The following PLEKHG4 variants were observed in gnomAD, a reference collection of about 807,000 sequenced individuals.
The protein encoded by PLEKHG4 is pleckstrin homology and RhoGEF domain containing G4.
PLEKHG4 carries 85 observed loss-of-function variants against 136.9 expected under a neutral mutation model. That is an observed-to-expected ratio of 0.62 (90% CI 0.52 to 0.74). The LOEUF (loss-of-function observed/expected upper bound fraction) is 0.74, where lower values mean the gene tolerates loss of function less well. Among genes scored for constraint, PLEKHG4 ranks in the 30% least tolerant of loss-of-function variants. PLEKHG4 has a pLI of 0.00. For synonymous variants in PLEKHG4, 577 were observed against 646.9 expected (o/e 0.89, Z 1.64); for missense variants, 1,317 against 1,527.8 (o/e 0.86, Z 2.30).
upstream of PLEKHG4, chr16:67,279,394 C>A (rs1264828777): frequency 6.6e-6 from 1 of 151,828 alleles, no homozygotes; most frequent in Non-Finnish European, 1.5e-5. Context: ...ACCTTGTCTT[C>A]CGCGCCGGCA....
Position 67,285,601 on chromosome 16 carries a change from C to T in PLEKHG4, c.2442+65C>T, listed in dbSNP as rs2036434135. On this transcript the variant is annotated intron_variant, in intron 14 of 21. Coordinates refer to ENST00000379344, the MANE Select transcript of PLEKHG4 (RefSeq NM_001129729.3). ...ACACTCCCGAAGTTGCTGCTGGGCACATGCTTGGTGCCAGTCCCTGTGCTA... is the reference window on the plus strand; with the variant it reads ...ACACTCCCGAAGTTGCTGCTGGGCATATGCTTGGTGCCAGTCCCTGTGCTA... 4 of 1,577,796 alleles carry T rather than the reference C, an allele frequency of 2.5e-6. No homozygotes were observed. In the East Asian group the frequency reaches 8.9e-5, roughly 35 times the overall value.
At position 67,284,244 on chromosome 16, in the gene PLEKHG4, G is replaced by A. The variant is rs545068085; in HGVS notation, c.1510-31G>A. The A allele has an allele frequency of 1.9e-6, 3 of 1,606,242 alleles. No homozygotes were observed. Among genetic ancestry groups the A allele is most frequent in the African/African-American group, 2.7e-5 (2 of 74,854 alleles). On this transcript the variant is annotated intron_variant, in intron 11 of 21. Coordinates refer to ENST00000379344, the MANE Select transcript of PLEKHG4 (RefSeq NM_001129729.3). The surrounding 1 kb of genome is among the most constrained non-coding windows in gnomAD (Gnocchi z 4.4). ...TCTGGGGGCTAGACCGCCAGGCCTG[G>A]GCTGGCTGAGCCTAGTCTCTGTCTC...
upstream of PLEKHG4, chr16:67,278,036 G>C (rs1482209106): frequency 1.3e-5 from 2 of 152,288 alleles, no homozygotes; most frequent in Non-Finnish European, 2.9e-5. Context: ...CCGGCTCTTA[G>C]GGCTCCTGGG....
chr16:67,286,264 G>T lies in PLEKHG4; in HGVS notation c.2443-10G>T, dbSNP rs1053783791. ...CCTTTGCACTGGGGCTGAGCCACAT[G>T]TCCTTGTAGAGGGTGCAGTTTGGGA... On this transcript the variant is annotated splice_polypyrimidine_tract_variant and intron_variant, in intron 14 of 21. Coordinates refer to ENST00000379344, the MANE Select transcript of PLEKHG4 (RefSeq NM_001129729.3). The T allele has an allele frequency of 1.2e-6, 2 of 1,605,390 alleles. No individual in the cohort carries two copies. Among genetic ancestry groups the T allele is most frequent in the South Asian group, 2.2e-5 (2 of 90,934 alleles).
At position 67,287,987 on chromosome 16, in the gene PLEKHG4, A is replaced by G; in HGVS notation, c.3193A>G (p.Thr1065Ala). 1 of 1,613,418 alleles carries G rather than the reference A, an allele frequency of 6.2e-7. No homozygotes were observed. Among genetic ancestry groups the G allele is most frequent in the Non-Finnish European group, 8.5e-7 (1 of 1,179,452 alleles). Residue 1065 changes from threonine to alanine, a missense_variant, in exon 19 of 22, where the codon ACC (threonine) becomes GCC (alanine). Coordinates refer to ENST00000379344, the MANE Select transcript of PLEKHG4 (RefSeq NM_001129729.3). ...APSEEAINDR[T>A]VNYVLKCREV... is the part of the protein sequence containing the mutation. ...CAGCGAGGAAGCCATCAACGACCGC[A>G]CCGTCAACTATGTCCTGAAGTGCCG...
At position 67,286,872 on chromosome 16, in the gene PLEKHG4, C is replaced by T. The variant is rs1222015918; in HGVS notation, c.2878C>T (p.His960Tyr). Residue 960 changes from histidine (H) to tyrosine (Y), a missense_variant, in exon 17 of 22, where the codon CAT (histidine) becomes TAT (tyrosine). Coordinates refer to ENST00000379344, the MANE Select transcript of PLEKHG4 (RefSeq NM_001129729.3). Reference sequence around the variant, plus strand: ...GCTGCTGCTCTTCAGCAAGCCTCGCCATGGGCCCACAGGGGTTGACACATT... The same window carrying T: ...GCTGCTGCTCTTCAGCAAGCCTCGCTATGGGCCCACAGGGGTTGACACATT... ...EELLLFSKPR[H>Y]GPTGVDTFAY... 1.2e-6 allele frequency: 2 copies of T among 1,614,130 alleles called. No homozygotes were observed. The highest frequency in any genetic ancestry group is 1.1e-5 in the South Asian group (1 of 91,090).
rs745900459 is a variant in PLEKHG4 at position 67,288,182 on chromosome 16, C to T, written c.3236C>T (p.Ala1079Val). ...VLKCREVRSR[A>V]SIAVAPFDHD... ...TCTTATGCAGAAGTTCGCTCTCGGG[C>T]GTCCATTGCCGTAGCCCCGTTTGAC... The change falls in exon 20 of 22, where the codon GCG becomes GTG. Residue 1079 changes from alanine (A) to valine (V), a missense_variant. Ala to Val is a moderately conservative substitution (Grantham distance 64). Coordinates refer to ENST00000379344, the MANE Select transcript of PLEKHG4 (RefSeq NM_001129729.3). The T allele has an allele frequency of 9.9e-5, 159 of 1,613,768 alleles. No homozygotes were observed. Among genetic ancestry groups the T allele is most frequent in the Non-Finnish European group, 1.0e-4 (119 of 1,179,856 alleles).
At chr16:67,278,300 C>CT (rs1434554831), upstream of PLEKHG4, 1 of 139,028 alleles carries the variant, frequency 7.2e-6, no homozygotes, top group Non-Finnish European at 1.6e-5. Context: ...AGTCTGGACT[C>CT]TGGGGGCTGG....
At position 67,280,017 on chromosome 16, in the gene PLEKHG4, C is replaced by G. The variant is rs1428814851; in HGVS notation, c.-28C>G. The G allele has an allele frequency of 2.5e-6, 4 of 1,608,188 alleles. No homozygotes were observed. The highest frequency in any genetic ancestry group is 2.2e-5 in the East Asian group (1 of 44,712). ...AGACCCAGCCCTCTCCCGCTGGCCCCGAGCAGGCCCACCTTTAGGAGGGCG... is the reference window on the plus strand; with the variant it reads ...AGACCCAGCCCTCTCCCGCTGGCCCGGAGCAGGCCCACCTTTAGGAGGGCG... On this transcript the variant is annotated 5_prime_UTR_variant, in exon 2 of 22. Coordinates refer to ENST00000379344, the MANE Select transcript of PLEKHG4 (RefSeq NM_001129729.3). The surrounding 1 kb of genome is among the most constrained non-coding windows in gnomAD (Gnocchi z 4.4).
chr16:67,287,736 G>A, intron 18 of PLEKHG4, 162 bp from the exon 19 acceptor site: 1 of 697,158 alleles, frequency 1.4e-6, no homozygotes, highest in Admixed American at 2.0e-5. Context: ...CTGCCCCACA[G>A]GATTGTTGGG....
chr16:67,281,446 C>T (rs2036220700), intron 5 of PLEKHG4, 121 bp from the exon 6 acceptor site: 7 of 850,236 alleles, frequency 8.2e-6, no homozygotes, highest in South Asian at 5.7e-5. Context: ...AGGCTGATCT[C>T]GAACTCCTGA....
In PLEKHG4 at chr16:67,289,007, G is replaced by T; in HGVS notation, c.*199G>T. 1.5e-6 allele frequency: 1 copy of T among 685,772 alleles called. No homozygotes were observed. The highest frequency in any genetic ancestry group is 2.6e-6 in the Non-Finnish European group (1 of 378,898). The allele number at this position is 685,772 out of a possible 1,614,324, so 42.5% of individuals were successfully genotyped here. On this transcript the variant is annotated 3_prime_UTR_variant, in exon 22 of 22. Transcript: ENST00000379344. ...GCCTCTCTAGGGAAGTCTGGTTGTA[G>T]AGCCTGAATAGGCTCCTGGCCCCAT...
chr16:67,288,443 G>T, intron 20 of PLEKHG4, 43 bp downstream of exon 20: 2 of 1,613,630 alleles, frequency 1.2e-6, no homozygotes, highest in South Asian at 2.2e-5. Flanking sequence ...ATGGCTTGGG[G>T]TCTGGGGCTT....
chr16:67,278,140 G>T (rs2036058220), upstream of PLEKHG4: 3 of 152,822 alleles, frequency 2.0e-5, no homozygotes, highest in Admixed American at 1.3e-4. Context: ...CAGAACTGGG[G>T]AGGAAGCCAA....
At chr16:67,278,568 AGCTACCCAC>A (rs2036069874), upstream of PLEKHG4, 1 of 152,204 alleles carries the variant, frequency 6.6e-6, no homozygotes, top group African/African-American at 2.4e-5. Context: ...CAAATCGCAC[AGCTACCCAC>A]TTGGGTAGCT....
chr16:67,289,160 C>T lies in PLEKHG4; in HGVS notation c.*352C>T. Reference sequence around the variant, plus strand: ...GCCTCTAGGCAGTGACTAGGGTGCCCCCACCCCTCAGGAAGAACACAGGTG... The same window carrying T: ...GCCTCTAGGCAGTGACTAGGGTGCCTCCACCCCTCAGGAAGAACACAGGTG... On this transcript the variant is annotated 3_prime_UTR_variant, in exon 22 of 22. Transcript: ENST00000379344. 2.1e-6 allele frequency: 1 copy of T among 471,852 alleles called. No homozygotes were observed. Among genetic ancestry groups the T allele is most frequent in the Non-Finnish European group, 3.9e-6 (1 of 257,622 alleles). 29.2% of individuals were successfully genotyped at this position (471,852 alleles called of 1,614,324 possible).
At position 67,279,868 on chromosome 16, in the gene PLEKHG4, C is replaced by T. The variant is rs2036130220; in HGVS notation, c.-169-8C>T. ...AGGGACACCCTTAACGTTATTCCCT[C>T]TTCCCAGGCCTGAATTGCAGTTCCT... On this transcript the variant is annotated splice_region_variant and splice_polypyrimidine_tract_variant and intron_variant, in intron 1 of 21. Coordinates refer to ENST00000379344, the MANE Select transcript of PLEKHG4 (RefSeq NM_001129729.3). 3.1e-6 allele frequency: 2 copies of T among 641,420 alleles called. No homozygotes were observed. Among genetic ancestry groups the T allele is most frequent in the Middle Eastern group, 4.2e-4 (1 of 2,362 alleles). The allele number at this position is 641,420 out of a possible 1,614,324, so 39.7% of individuals were successfully genotyped here. A position where few individuals can be genotyped will look rare whatever the true frequency, so the allele number is the denominator to read the frequency against.
In PLEKHG4 at chr16:67,285,356, T is replaced by A. The variant is rs898899137; in HGVS notation, c.2262T>A (p.Thr754=). The A allele has an allele frequency of 2.0e-5, 32 of 1,614,074 alleles. No homozygotes were observed. Among genetic ancestry groups the A allele is most frequent in the Non-Finnish European group, 2.7e-5 (32 of 1,180,050 alleles). Residue 754 remains threonine (T), a synonymous_variant, in exon 14 of 22, where the codon ACT becomes ACA. Coordinates refer to ENST00000379344, the MANE Select transcript of PLEKHG4 (RefSeq NM_001129729.3). ...AGTATGTCCGGGCTCTAGAGTACAC[T>A]ATGGAGAACTATTTCCCCGAGCTGG... ...EREYVRALEY[T]MENYFPELDR...
intron 5 of PLEKHG4, 44 bp downstream of exon 5, chr16:67,281,228 T>TC: frequency 7.4e-7 from 1 of 1,343,122 alleles, no homozygotes; most frequent in Non-Finnish European, 1.0e-6. Context: ...TTCTTTTCTT[T>TC]TTTTTTTTTT....
Sources: gnomAD v4.1 joint callset for allele counts on GRCh38, gnomAD v4.1.1 for gene constraint, Gnocchi (gnomAD v3.1) non-coding constraint, MANE v1.5 for transcripts, NCBI Gene and HGNC (gene_info 2026-07-23, HGNC 2026-07-21) for gene names.